WWOX: variants seen among roughly 807,000 people sequenced by gnomAD.
WWOX encodes the protein WW domain-containing oxidoreductase.
In WWOX, 69 loss-of-function variants were observed where a neutral mutation model predicts 46.2. That is an observed-to-expected ratio of 1.49 (90% CI 1.23 to 1.82). WWOX has a LOEUF of 1.82. WWOX is among the 40% of genes most tolerant of loss of function. WWOX has a pLI of 0.00. For synonymous variants in WWOX, 359 were observed against 202.6 expected (o/e 1.77, Z -6.56); for missense variants, 919 against 542.6 (o/e 1.69, Z -6.89).
At chr16:78,735,626 G>T (rs1003518674) in intron 8 of WWOX, among the ~76,000 whole-genome samples, 4 of 152,212 alleles carry the variant, frequency 2.6e-5, no homozygotes, top group African/African-American at 7.2e-5. Context: ...TACATGAGGA[G>T]ACAGCAGACA....
chr16:79,138,571 G>A (rs1255012680), intron 8 of WWOX, among the ~76,000 whole-genome samples: 2 of 152,162 alleles, frequency 1.3e-5, no homozygotes, highest in Non-Finnish European at 2.9e-5. Context: ...GTCTTGATTA[G>A]GCCCGTTATT....
At chr16:78,598,612 T>C (rs183488970) in intron 8 of WWOX, among the ~76,000 whole-genome samples, 28 of 152,292 alleles carry the variant, frequency 1.8e-4, no homozygotes, top group South Asian at 8.3e-4. Context: ...TTGGTGTGTT[T>C]TGTGGCATTT....
chr16:79,006,378 A>AGGGGCCC (rs2047191451), intron 8 of WWOX, among the ~76,000 whole-genome samples: 1 of 152,160 alleles, frequency 6.6e-6, no homozygotes, highest in African/African-American at 2.4e-5. Flanking sequence ...GCAGAGGATG[A>AGGGGCCC]AGACAGGGCT....
chr16:78,789,042 C>T lies in WWOX; in HGVS notation c.1056+356290C>T, dbSNP rs192176419. Among the ~76,000 whole-genome samples the T allele has an allele frequency of 2.0e-5, 3 of 152,266 alleles. No individual in the cohort carries two copies. The South Asian group carries it at 6.2e-4, about 32-fold the overall frequency. On this transcript the variant is annotated intron_variant, in intron 8 of 8. Transcript: ENST00000566780. Reference sequence around the variant, plus strand: ...TCTTTTTATTCTTTTGATATCATCTCGTGATGCACAAAAGTTTTAACAACA... The same window carrying T: ...TCTTTTTATTCTTTTGATATCATCTTGTGATGCACAAAAGTTTTAACAACA...
At chr16:78,745,302 C>T (rs1037623816) in intron 8 of WWOX, among the ~76,000 whole-genome samples, 1 of 152,192 alleles carries the variant, frequency 6.6e-6, no homozygotes, top group African/African-American at 2.4e-5. Context: ...TCTTCCCCGC[C>T]TTCCTCCACC....
At chr16:78,154,180 T>G (rs545048234) in intron 4 of WWOX, among the ~76,000 whole-genome samples, 1 of 152,276 alleles carries the variant, frequency 6.6e-6, no homozygotes, top group African/African-American at 2.4e-5. Flanking sequence ...TTTGTAGATT[T>G]TTTTTGCTTC....
intron 8 of WWOX, among the ~76,000 whole-genome samples, chr16:78,785,952 G>A (rs1252608767): frequency 6.6e-6 from 1 of 152,096 alleles, no homozygotes; most frequent in East Asian, 1.9e-4. Flanking sequence ...TGTCGCCCAG[G>A]CTGGAGTGCA....
At chr16:78,686,379 C>T (rs1597444903) in intron 8 of WWOX, among the ~76,000 whole-genome samples, 1 of 152,028 alleles carries the variant, frequency 6.6e-6, no homozygotes, top group Admixed American at 6.6e-5. Flanking sequence ...GGCGTGGTGG[C>T]GGGCGCCTGT....
At chr16:78,935,308 T>C (rs1597172881) in intron 8 of WWOX, among the ~76,000 whole-genome samples, 1 of 152,336 alleles carries the variant, frequency 6.6e-6, no homozygotes, top group East Asian at 1.9e-4. Flanking sequence ...TGCACATGTA[T>C]GTTTATTGCG....
chr16:78,107,588 A>G (rs2032231659), intron 1 of WWOX, among the ~76,000 whole-genome samples: 1 of 151,328 alleles, frequency 6.6e-6, no homozygotes, highest in South Asian at 2.1e-4. Context: ...GCCCTATGGG[A>G]AGGTCTTACT....
intron 8 of WWOX, among the ~76,000 whole-genome samples, chr16:78,523,283 A>G (rs558077608): frequency 1.3e-5 from 2 of 152,338 alleles, no homozygotes; most frequent in South Asian, 2.1e-4. Context: ...AATATGTGCC[A>G]GTATATATAA....
chr16:78,607,295 G>T (rs1054758481), intron 8 of WWOX, among the ~76,000 whole-genome samples: 3 of 152,062 alleles, frequency 2.0e-5, no homozygotes, highest in Non-Finnish European at 2.9e-5. Context: ...CAAAATAGTT[G>T]TAAGAATCGG....
At chr16:78,797,722 T>G (rs563286613) in intron 8 of WWOX, among the ~76,000 whole-genome samples, 1 of 152,282 alleles carries the variant, frequency 6.6e-6, no homozygotes, top group Admixed American at 6.5e-5. Flanking sequence ...GTGCGTTAGG[T>G]CATGCCTGTA....
chr16:79,074,241 A>T (rs1169734983), intron 8 of WWOX, among the ~76,000 whole-genome samples: 4 of 151,908 alleles, frequency 2.6e-5, no homozygotes, highest in Non-Finnish European at 4.4e-5. Context: ...TTTTTTAAAA[A>T]ATATAATAAA....
rs138563526 is a variant in WWOX, at chr16:78,934,826, A to G, written c.1057-276782A>G. Among the ~76,000 whole-genome samples, 963 of 152,292 alleles carry G rather than the reference A, an allele frequency of 6.3e-3. 12 individuals carry two copies. Among genetic ancestry groups the G allele is most frequent in the African/African-American group, 0.022 (920 of 41,572 alleles). On this transcript the variant is annotated intron_variant, in intron 8 of 8. Transcript: ENST00000566780. Reference sequence around the variant, plus strand: ...TTAAAAGAGAAGAAGCAGACTGGGCATGGTGGCTCGCATCTATAATCGCAG... The same window carrying G: ...TTAAAAGAGAAGAAGCAGACTGGGCGTGGTGGCTCGCATCTATAATCGCAG...
intron 8 of WWOX, among the ~76,000 whole-genome samples, chr16:79,184,895 G>C (rs941823373): frequency 1.3e-5 from 2 of 152,206 alleles, no homozygotes; most frequent in Admixed American, 6.5e-5. Flanking sequence ...AATCAAGAAC[G>C]TGTTACTTTT....
intron 8 of WWOX, among the ~76,000 whole-genome samples, chr16:79,036,568 C>G (rs150511456): frequency 6.6e-6 from 1 of 152,272 alleles, no homozygotes; most frequent in African/African-American, 2.4e-5. Flanking sequence ...GAGCTCTTGG[C>G]TTAATGTGGG....
intron 8 of WWOX, among the ~76,000 whole-genome samples, chr16:79,195,250 G>A (rs755226974): frequency 6.6e-6 from 1 of 152,062 alleles, no homozygotes; most frequent in Non-Finnish European, 1.5e-5. Flanking sequence ...AGTGTTCTAG[G>A]ATCCACACCT....
intron 8 of WWOX, among the ~76,000 whole-genome samples, chr16:78,455,686 AAAATATGAT>A (rs1174347827): frequency 6.6e-6 from 1 of 151,600 alleles, no homozygotes; most frequent in African/African-American, 2.4e-5. Flanking sequence ...ATTGATGCAA[AAAATATGAT>A]AACATTTCAA....
Sources: allele counts gnomAD v4.1 joint callset (sites outside exome capture counted in the v4.1 genomes callset), GRCh38; gene constraint gnomAD v4.1.1; transcripts MANE v1.5; gene names NCBI Gene and HGNC (gene_info 2026-07-23, HGNC 2026-07-21).